STAT4: variants seen among roughly 807,000 people sequenced by gnomAD.
STAT4 encodes the protein signal transducer and activator of transcription 4.
Under a neutral mutation model 110.5 loss-of-function variants are expected in STAT4, and 42 were observed. That is an observed-to-expected ratio of 0.38 (90% CI 0.30 to 0.49). The LOEUF (loss-of-function observed/expected upper bound fraction) is 0.49, where lower values mean the gene tolerates loss of function less well. Among genes scored for constraint, STAT4 ranks in the 20% least tolerant of loss-of-function variants. The probability of loss-of-function intolerance (pLI) is 0.95; values close to 1 mark genes in which losing one functional copy is unlikely to be tolerated. For synonymous variants in STAT4, 284 were observed against 302.2 expected, an observed-to-expected ratio of 0.94 and a Z score of 0.63; for missense variants, 632 against 887.9, an observed-to-expected ratio of 0.71 and a Z score of 3.66.
At chr2:191,127,913 T>C (rs1255271428) in intron 3 of STAT4, among the ~76,000 whole-genome samples, 1 of 152,190 alleles carries the variant, frequency 6.6e-6, no homozygotes, top group Non-Finnish European at 1.5e-5. Context: ...CTTGGAGGGA[T>C]ATGCACAAAA....
At chr2:191,088,880 T>A (rs1697711082) in intron 3 of STAT4, among the ~76,000 whole-genome samples, 1 of 152,176 alleles carries the variant, frequency 6.6e-6, no homozygotes, top group Non-Finnish European at 1.5e-5. Context: ...CAGCTGGATA[T>A]GCAAAAAGTG....
In STAT4 at chr2:191,130,220, C is replaced by CTT. The variant is rs34523590; in HGVS notation, c.273+16391_273+16392dup. ...CTGTTTTGGCTTTCAGTCTATCTCC[C>CTT]TTTTTTTTTTTTTTTTTTTTGAGAC... On this transcript the variant is annotated intron_variant, in intron 3 of 23. Transcript: ENST00000392320. Among the ~76,000 whole-genome samples the CTT allele has an allele frequency of 8.8e-3, 1,024 of 115,768 alleles. 30 individuals carry two copies. The highest frequency in any genetic ancestry group is 0.029 in the African/African-American group (965 of 32,934). 75.9% of individuals were successfully genotyped at this position (115,768 alleles called of 152,430 possible).
rs112474713 is a variant in STAT4 at position 191,137,761 on chromosome 2, C to A, written c.273+8852G>T. Among the ~76,000 whole-genome samples the A allele has an allele frequency of 2.0e-5, 3 of 152,124 alleles. No homozygotes were observed. The South Asian group carries it at 6.2e-4, about 32-fold the overall frequency. On this transcript the variant is annotated intron_variant, in intron 3 of 23. Transcript: ENST00000392320. Reference sequence around the variant, plus strand: ...TTGACAAAGGTGCCAGGAACCTACACTCGGGCAAAAACATCCTCTTCAATA... The same window carrying A: ...TTGACAAAGGTGCCAGGAACCTACAATCGGGCAAAAACATCCTCTTCAATA...
At chr2:191,126,058 C>T (rs1001067195) in intron 3 of STAT4, among the ~76,000 whole-genome samples, 2 of 152,336 alleles carry the variant, frequency 1.3e-5, no homozygotes, top group Admixed American at 1.3e-4. Context: ...ATCTGCTTGA[C>T]CGTTGCTCCC....
chr2:191,114,816 T>C (rs1227703825), intron 3 of STAT4, among the ~76,000 whole-genome samples: 4 of 152,030 alleles, frequency 2.6e-5, no homozygotes, highest in Non-Finnish European at 5.9e-5. Context: ...GAGGATGGAG[T>C]TCTGCTTTCA....
chr2:191,133,335 C>T (rs1699094687), intron 3 of STAT4, among the ~76,000 whole-genome samples: 2 of 151,344 alleles, frequency 1.3e-5, no homozygotes, highest in South Asian at 2.1e-4. Flanking sequence ...CAAAATCCCT[C>T]CCTTTATGAA....
At chr2:191,036,042 G>T in intron 17 of STAT4, 122 bp downstream of exon 17, 1 of 1,192,002 alleles carries the variant, frequency 8.4e-7, no homozygotes, top group Non-Finnish European at 1.2e-6. Flanking sequence ...TGGCAATATA[G>T]TAGGCATTGA....
intron 3 of STAT4, among the ~76,000 whole-genome samples, chr2:191,114,532 T>C (rs560227485): frequency 1.3e-5 from 2 of 152,336 alleles, no homozygotes; most frequent in East Asian, 3.9e-4. Flanking sequence ...TAACAGGAAG[T>C]CACAACTCTC....
At position 191,053,732 on chromosome 2, in the gene STAT4, T is replaced by G. The variant is rs913499418; in HGVS notation, c.1251+758A>C. On this transcript the variant is annotated intron_variant, in intron 14 of 23. Transcript: ENST00000392320. The surrounding 1 kb of genome is among the most constrained non-coding windows in gnomAD (Gnocchi z 4.5). ...AAAAATGAAGAATGACAAAGATATT[T>G]CTTGATAATGGACTGACTAAAGAAA... Among the ~76,000 whole-genome samples the G allele has an allele frequency of 2.0e-5, 3 of 152,236 alleles. No homozygotes were observed. The highest frequency in any genetic ancestry group is 7.2e-5 in the African/African-American group (3 of 41,468).
chr2:191,066,331 G>A lies in STAT4; in HGVS notation c.630+99C>T. 9.4e-7 allele frequency: 1 copy of A among 1,062,602 alleles called. No individual in the cohort carries two copies. Among genetic ancestry groups the A allele is most frequent in the Non-Finnish European group, 1.4e-6 (1 of 712,244 alleles). The allele number at this position is 1,062,602 out of a possible 1,614,324, so 65.8% of individuals were successfully genotyped here. A position where few individuals can be genotyped will look rare whatever the true frequency, so the allele number is the denominator to read the frequency against. On this transcript the variant is annotated intron_variant, in intron 7 of 23. Coordinates refer to ENST00000392320, the MANE Select transcript of STAT4 (RefSeq NM_003151.4). The surrounding 1 kb of genome is among the most constrained non-coding windows in gnomAD (Gnocchi z 4.3). Reference sequence around the variant, plus strand: ...TTGCCGTTTCTTCATTCAGTAAATGGAACTGATAAAATCTGACAGCTTGAT... The same window carrying A: ...TTGCCGTTTCTTCATTCAGTAAATGAAACTGATAAAATCTGACAGCTTGAT...
chr2:191,073,051 T>C (rs766543604), intron 5 of STAT4, 47 bp downstream of exon 5: 2 of 1,526,304 alleles, frequency 1.3e-6, no homozygotes, highest in Admixed American at 1.7e-5. Flanking sequence ...CATAGTTATA[T>C]GGGGACAGTA....
rs1302632797 is a variant in STAT4 at position 191,059,912 on chromosome 2, C to CT, written c.1035-1144dup. ...CCTCTCCACCTTCCTTTTTATACCA[C>CT]TTCAGGAAGGATCTGATTCACTGCA... On this transcript the variant is annotated intron_variant, in intron 10 of 23. Transcript: ENST00000392320. This position sits in a 1 kb window ranked among gnomAD's most constrained non-coding sequence, Gnocchi z 4.7. 6.6e-6 allele frequency among the ~76,000 whole-genome samples: 1 copy of CT among 152,180 alleles called. No individual in the cohort carries two copies. Among genetic ancestry groups the CT allele is most frequent in the Non-Finnish European group, 1.5e-5 (1 of 68,032 alleles).
Position 191,058,342 on chromosome 2 carries a change from G to A in STAT4, c.1095-123C>T, listed in dbSNP as rs2125220608. 2.0e-6 allele frequency: 2 copies of A among 1,005,144 alleles called. No individual in the cohort carries two copies. Among genetic ancestry groups the A allele is most frequent in the South Asian group, 3.3e-5 (2 of 59,950 alleles). 62.3% of individuals were successfully genotyped at this position (1,005,144 alleles called of 1,614,324 possible). ...AGACAGAGTCTCGCTCTGTCGTCCA[G>A]GCTGGAGTGCAGTGGTGCAATCTTG... On this transcript the variant is annotated intron_variant, in intron 11 of 23. Transcript: ENST00000392320. The surrounding 1 kb of genome is among the most constrained non-coding windows in gnomAD (Gnocchi z 4.3).
chr2:191,029,739 G>T lies in STAT4; in HGVS notation c.*101C>A. The T allele has an allele frequency of 9.3e-7, 1 of 1,069,864 alleles. No homozygotes were observed. The allele number at this position is 1,069,864 out of a possible 1,614,324, so 66.3% of individuals were successfully genotyped here. A position where few individuals can be genotyped will look rare whatever the true frequency, so the allele number is the denominator to read the frequency against. ...GATGTCAAACATTTCCTAGAACCTG[G>T]TATTTACAAAGCTGAAGAAATAAAA... is the stretch of plus-strand genomic sequence containing the variant. On this transcript the variant is annotated 3_prime_UTR_variant, in exon 24 of 24. Coordinates refer to ENST00000392320, the MANE Select transcript of STAT4 (RefSeq NM_003151.4). This position sits in a 1 kb window ranked among gnomAD's most constrained non-coding sequence, Gnocchi z 4.5.
chr2:191,114,729 G>T (rs995423273), intron 3 of STAT4, among the ~76,000 whole-genome samples: 4 of 152,180 alleles, frequency 2.6e-5, no homozygotes, highest in Non-Finnish European at 5.9e-5. Context: ...GGCTACTGCT[G>T]TAGATCATGC....
intron 1 of STAT4, among the ~76,000 whole-genome samples, chr2:191,148,561 G>A (rs7592037): frequency 1.3e-5 from 2 of 152,016 alleles, no homozygotes; most frequent in African/African-American, 4.8e-5. Flanking sequence ...TTTAGACTTG[G>A]AGCAACTTGA....
chr2:191,047,351 AT>A (rs2125182649), intron 14 of STAT4, among the ~76,000 whole-genome samples: 1 of 152,296 alleles, frequency 6.6e-6, no homozygotes, highest in African/African-American at 2.4e-5. Flanking sequence ...TGAGGAGGGA[AT>A]TGTGGGAACC....
intron 3 of STAT4, among the ~76,000 whole-genome samples, chr2:191,136,430 G>A (rs1377445808): frequency 1.3e-5 from 2 of 152,160 alleles, no homozygotes; most frequent in African/African-American, 4.8e-5. Flanking sequence ...GACATAAAAG[G>A]CACCCAAACT....
chr2:191,037,019 T>G lies in STAT4; in HGVS notation c.1435-720A>C, dbSNP rs1012298638. On this transcript the variant is annotated intron_variant, in intron 16 of 23. Transcript: ENST00000392320. This position sits in a 1 kb window ranked among gnomAD's most constrained non-coding sequence, Gnocchi z 4.8. ...TCCATCTTTCTTCAGAAGCATCGCT[T>G]GACATCTCTTTAACTTTTCCGTATC... Among the ~76,000 whole-genome samples the G allele has an allele frequency of 2.6e-5, 4 of 152,244 alleles. No individual in the cohort carries two copies. The highest frequency in any genetic ancestry group is 9.6e-5 in the African/African-American group (4 of 41,468).
Sources: allele counts gnomAD v4.1 joint callset (sites outside exome capture counted in the v4.1 genomes callset), GRCh38; gene constraint gnomAD v4.1.1; non-coding constraint Gnocchi (gnomAD v3.1); transcripts MANE v1.5; gene names NCBI Gene and HGNC (gene_info 2026-07-23, HGNC 2026-07-21).